Variants in LINGO1 observed in about 807,000 individuals in gnomAD.
The protein encoded by LINGO1 is leucine rich repeat and Ig domain containing 1, also known as leucine-rich repeat and immunoglobulin-like domain-containing nogo receptor-interacting protein 1.
A neutral mutation model predicts 37.3 loss-of-function variants in LINGO1; 11 were observed. That is an observed-to-expected ratio of 0.29 (90% CI 0.19 to 0.49). LINGO1 has a LOEUF of 0.49. LINGO1 is among the 20% of genes least tolerant of loss of function. The pLI is 0.99. For missense variants in LINGO1, 585 were observed against 878.2 expected, an observed-to-expected ratio of 0.67 and a Z score of 4.22; for synonymous variants, 387 against 403.0, an observed-to-expected ratio of 0.96 and a Z score of 0.48.
chr15:77,673,072 A>G (rs1199834482), intron 3 of LINGO1, among the ~76,000 whole-genome samples: 2 of 152,106 alleles, frequency 1.3e-5, no homozygotes, highest in Admixed American at 6.5e-5. Context: ...GTCATTTGGG[A>G]AAAAACCACT....
intron 1 of LINGO1, among the ~76,000 whole-genome samples, chr15:77,751,202 C>A (rs1198807674): frequency 6.6e-6 from 1 of 152,168 alleles, no homozygotes; most frequent in East Asian, 1.9e-4. Context: ...AGGCCCCTCT[C>A]CCATTCAGGC....
chr15:77,627,132 A>G (rs1398299099), intron 1 of LINGO1, among the ~76,000 whole-genome samples: 3 of 151,786 alleles, frequency 2.0e-5, no homozygotes, highest in Non-Finnish European at 2.9e-5. Context: ...CACACCACAC[A>G]CCCTAATAAC....
At chr15:77,729,213 C>G (rs2076131596) in intron 2 of LINGO1, among the ~76,000 whole-genome samples, 1 of 152,172 alleles carries the variant, frequency 6.6e-6, no homozygotes, top group African/African-American at 2.4e-5. Flanking sequence ...ACATCCAGGT[C>G]AGAGAGCACT....
At chr15:77,794,590 A>ATATTTTTTT (rs1381588807) in intron 2 of LINGO1, among the ~76,000 whole-genome samples, 1 of 93,526 alleles carries the variant, frequency 1.1e-5, no homozygotes, top group African/African-American at 4.1e-5. Context: ...ATATATATAT[A>ATATTTTTTT]TTTTTTTTTT....
At chr15:77,672,159 A>G (rs1381026489) in intron 3 of LINGO1, among the ~76,000 whole-genome samples, 1 of 84,658 alleles carries the variant, frequency 1.2e-5, no homozygotes, top group African/African-American at 4.8e-5. Context: ...CGACCCCCAC[A>G]GTGCTCGCTC....
intron 2 of LINGO1, among the ~76,000 whole-genome samples, chr15:77,687,370 C>T (rs549378097): frequency 1.3e-5 from 2 of 152,194 alleles, no homozygotes; most frequent in South Asian, 2.1e-4. Context: ...CATTTTCTGT[C>T]CCCCCCTGTG....
At chr15:77,756,883 C>G (rs2076425495) in intron 1 of LINGO1, among the ~76,000 whole-genome samples, 2 of 152,206 alleles carry the variant, frequency 1.3e-5, no homozygotes, top group Admixed American at 1.3e-4. Context: ...CACCACCTCG[C>G]ACACAGACTC....
chr15:77,710,605 GGCGTCTCTGCCAGGGA>G (rs560336268), intron 2 of LINGO1, among the ~76,000 whole-genome samples: 2 of 152,202 alleles, frequency 1.3e-5, no homozygotes, highest in Non-Finnish European at 2.9e-5. Context: ...ATTTCTGCTG[GGCGTCTCTGCCAGGGA>G]GCTAAAAGCC....
At chr15:77,692,784 T>TGCAGTGCTCCAGCCGCCA (rs2075626593) in intron 1 of LINGO1, among the ~76,000 whole-genome samples, 1 of 152,208 alleles carries the variant, frequency 6.6e-6, no homozygotes, top group Non-Finnish European at 1.5e-5. Context: ...CCCTGCTGCC[T>TGCAGTGCTCCAGCCGCCA]GCAGTGCTCC....
intron 2 of LINGO1, among the ~76,000 whole-genome samples, chr15:77,731,425 G>A (rs1483667649): frequency 6.6e-6 from 1 of 152,192 alleles, no homozygotes; most frequent in Non-Finnish European, 1.5e-5. Flanking sequence ...CCCACTCCTG[G>A]TGCCCTCAGC....
chr15:77,725,895 C>T (rs34332318), intron 2 of LINGO1, among the ~76,000 whole-genome samples: 10,331 of 152,288 alleles, frequency 0.068, 412 homozygotes, highest in Middle Eastern at 0.13. Context: ...ATAGAGCGGC[C>T]GCCCCACCAC....
intron 1 of LINGO1, among the ~76,000 whole-genome samples, chr15:77,623,552 C>A (rs764928877): frequency 6.6e-6 from 1 of 152,174 alleles, no homozygotes; most frequent in Non-Finnish European, 1.5e-5. Context: ...GTGAGGCAAC[C>A]CTGAGAGTTG....
At chr15:77,660,145 C>G (rs1194189741) in intron 3 of LINGO1, 1 of 152,204 alleles carries the variant, frequency 6.6e-6, no homozygotes, top group East Asian at 1.9e-4. Flanking sequence ...ATCCTTGTCC[C>G]AGCTCCACTC....
At chr15:77,818,056 A>G (rs1175988079) in intron 1 of LINGO1, among the ~76,000 whole-genome samples, 1 of 152,212 alleles carries the variant, frequency 6.6e-6, no homozygotes, top group Non-Finnish European at 1.5e-5. Flanking sequence ...ACAGGTTCAC[A>G]GGCGAGTGGC....
intron 1 of LINGO1, among the ~76,000 whole-genome samples, chr15:77,818,773 C>T (rs952507861): frequency 2.6e-5 from 4 of 152,064 alleles, no homozygotes; most frequent in African/African-American, 9.7e-5. Flanking sequence ...AGTCTGGCGC[C>T]CGGAGCGGCT....
intron 2 of LINGO1, among the ~76,000 whole-genome samples, chr15:77,729,380 G>C (rs2076133367): frequency 6.6e-6 from 1 of 152,244 alleles, no homozygotes; most frequent in South Asian, 2.1e-4. Context: ...AGCAAGCAGA[G>C]CTGGTCTCAG....
chr15:77,767,150 C>T (rs887635299), intron 1 of LINGO1, among the ~76,000 whole-genome samples: 16 of 152,252 alleles, frequency 1.1e-4, no homozygotes, highest in Middle Eastern at 3.4e-3. Flanking sequence ...ACAGAGAGCA[C>T]ATAGTGAATT....
At chr15:77,618,999 A>G (rs1224848409) in intron 1 of LINGO1, among the ~76,000 whole-genome samples, 1 of 152,236 alleles carries the variant, frequency 6.6e-6, no homozygotes, top group South Asian at 2.1e-4. Context: ...AGATGATAAG[A>G]AGATAAAAGC....
intron 2 of LINGO1, among the ~76,000 whole-genome samples, chr15:77,719,277 A>G (rs973924203): frequency 2.0e-5 from 3 of 149,822 alleles, no homozygotes; most frequent in Non-Finnish European, 4.5e-5. Flanking sequence ...TGGAGTGAGG[A>G]ACCCCACAAA....
Sources: gnomAD v4.1 joint callset for allele counts (sites outside exome capture counted in the v4.1 genomes callset) on GRCh38, gnomAD v4.1.1 for gene constraint, MANE v1.5 for transcripts, NCBI Gene and HGNC (gene_info 2026-07-23, HGNC 2026-07-21) for gene names.